TLE4: variants seen among roughly 807,000 people sequenced by gnomAD.
TLE4 encodes TLE family member 4, transcriptional corepressor, also known as transducin-like enhancer protein 4.
Under a neutral mutation model 92.8 loss-of-function variants are expected in TLE4, and 8 were observed. The ratio of observed to expected loss-of-function variants is 0.09; its 90% CI spans 0.05 to 0.16. The LOEUF is 0.16. Ranked by LOEUF, TLE4 falls within the 10% of genes least tolerant of loss-of-function variation. The pLI is 1.00. For synonymous variants in TLE4, 371 were observed against 374.1 expected, an observed-to-expected ratio of 0.99 and a Z score of 0.10; for missense variants, 675 against 997.6, an observed-to-expected ratio of 0.68 and a Z score of 4.36.
intron 6 of TLE4, among the ~76,000 whole-genome samples, chr9:79,632,103 C>T (rs994091665): frequency 3.3e-5 from 5 of 152,164 alleles, no homozygotes; most frequent in African/African-American, 9.7e-5. Context: ...AGCCATAGCG[C>T]GAAGTGCTTG....
At chr9:79,652,966 T>C in intron 7 of TLE4, 172 bp downstream of exon 7, 1 of 810,146 alleles carries the variant, frequency 1.2e-6, no homozygotes, top group South Asian at 1.4e-5. Flanking sequence ...AATGATATTC[T>C]AGTGGTTGGC....
chr9:79,635,309 T>G (rs1224097315), intron 6 of TLE4, among the ~76,000 whole-genome samples: 1 of 152,036 alleles, frequency 6.6e-6, no homozygotes, highest in Non-Finnish European at 1.5e-5. Context: ...CATCAGTCAG[T>G]TTTATTATTG....
chr9:79,721,992 C>G lies in TLE4; in HGVS notation c.1986+104C>G, dbSNP rs2075722423. 5 of 1,470,192 alleles carry G rather than the reference C, an allele frequency of 3.4e-6. No homozygotes were observed. The East Asian group carries it at 1.2e-4, about 34-fold the overall frequency. 91.1% of individuals were successfully genotyped at this position (1,470,192 alleles called of 1,614,324 possible). ...CCATCCTGGCCAACATGGTGAAACCCCATCTCTACTAAAAGTACAAAAATT... is the reference window on the plus strand; with the variant it reads ...CCATCCTGGCCAACATGGTGAAACCGCATCTCTACTAAAAGTACAAAAATT... On this transcript the variant is annotated intron_variant, in intron 17 of 19. Coordinates refer to ENST00000376552, the MANE Select transcript of TLE4 (RefSeq NM_007005.6).
chr9:79,645,815 A>G (rs1380698110), intron 6 of TLE4, among the ~76,000 whole-genome samples: 2 of 152,176 alleles, frequency 1.3e-5, no homozygotes, highest in Non-Finnish European at 2.9e-5. Context: ...TGGCCCATCA[A>G]GGAAATAGGA....
At chr9:79,668,312 C>G (rs1212641462) in intron 8 of TLE4, among the ~76,000 whole-genome samples, 2 of 152,150 alleles carry the variant, frequency 1.3e-5, no homozygotes, top group African/African-American at 4.8e-5. Flanking sequence ...GCATTAGATA[C>G]AAATGGGAAC....
chr9:79,606,586 C>T (rs2047044321), intron 4 of TLE4, among the ~76,000 whole-genome samples: 1 of 151,890 alleles, frequency 6.6e-6, no homozygotes, highest in Admixed American at 6.6e-5. Flanking sequence ...TCCATGTGTT[C>T]TCATTGTTCA....
chr9:79,607,512 C>T (rs2047331176), intron 4 of TLE4, among the ~76,000 whole-genome samples: 2 of 152,150 alleles, frequency 1.3e-5, no homozygotes, highest in African/African-American at 2.4e-5. Flanking sequence ...TTAGGTCTTA[C>T]ACTTAAGTCT....
intron 4 of TLE4, chr9:79,576,431 AG>A (rs1391877830): frequency 7.2e-6 from 2 of 279,154 alleles, no homozygotes; most frequent in African/African-American, 4.3e-5. Flanking sequence ...TTTCAAAAGC[AG>A]GATGCTAAAT....
chr9:79,710,656 C>G (rs1044993274), intron 14 of TLE4, among the ~76,000 whole-genome samples: 12 of 152,200 alleles, frequency 7.9e-5, no homozygotes, highest in Admixed American at 7.2e-4. Context: ...GCAAAACTTT[C>G]TGTGGCTTAG....
chr9:79,577,697 A>G (rs1447762946), intron 4 of TLE4, among the ~76,000 whole-genome samples: 2 of 151,982 alleles, frequency 1.3e-5, no homozygotes, highest in Non-Finnish European at 2.9e-5. Context: ...CCACTCCCCA[A>G]AATTAATTAG....
intron 4 of TLE4, among the ~76,000 whole-genome samples, chr9:79,607,607 C>T (rs2047361783): frequency 6.6e-6 from 1 of 152,096 alleles, no homozygotes; most frequent in Admixed American, 6.5e-5. Flanking sequence ...CCAGTTTTCC[C>T]AGCACCATTT....
chr9:79,637,450 C>T (rs1353284057), intron 6 of TLE4, among the ~76,000 whole-genome samples: 3 of 152,138 alleles, frequency 2.0e-5, no homozygotes, highest in Non-Finnish European at 2.9e-5. Context: ...CATTATGCTA[C>T]ACTTGTCTCT....
chr9:79,688,452 T>C (rs1214384497), intron 8 of TLE4, among the ~76,000 whole-genome samples: 1 of 152,162 alleles, frequency 6.6e-6, no homozygotes, highest in African/African-American at 2.4e-5. Flanking sequence ...TGGTGTCTTG[T>C]TGCTGTCAGT....
intron 11 of TLE4, among the ~76,000 whole-genome samples, chr9:79,707,694 G>C (rs1276048839): frequency 1.3e-5 from 2 of 152,146 alleles, no homozygotes; most frequent in Non-Finnish European, 2.9e-5. Flanking sequence ...TCTCTGCTTA[G>C]TCTCTATGAC....
chr9:79,613,062 T>C (rs2048725590), intron 5 of TLE4, among the ~76,000 whole-genome samples: 3 of 152,142 alleles, frequency 2.0e-5, no homozygotes, highest in African/African-American at 7.2e-5. Flanking sequence ...AACAGGAGCT[T>C]ACTCTGTACT....
At chr9:79,717,967 G>A (rs1223253110) in intron 14 of TLE4, 3 of 456,424 alleles carry the variant, frequency 6.6e-6, no homozygotes, top group Non-Finnish European at 1.3e-5. Context: ...GTCTGTTGGG[G>A]GAGACGCTCT....
At position 79,589,899 on chromosome 9, in the gene TLE4, G is replaced by T. The variant is rs114675888; in HGVS notation, c.252+13722G>T. Among the ~76,000 whole-genome samples the T allele has an allele frequency of 2.9e-3, 438 of 152,252 alleles. 3 individuals carry two copies. Among genetic ancestry groups the T allele is most frequent in the African/African-American group, 9.7e-3 (401 of 41,542 alleles). The stretch of plus-strand genomic sequence containing the variant: ...CTTTAGGGCAAAGTACATTATATTT[G>T]TCTTTGTCATGTCCTGATCACACTG... On this transcript the variant is annotated intron_variant, in intron 4 of 19. Transcript: ENST00000376552.
At chr9:79,621,059 G>C (rs1009009918) in intron 5 of TLE4, among the ~76,000 whole-genome samples, 1 of 152,182 alleles carries the variant, frequency 6.6e-6, no homozygotes, top group Non-Finnish European at 1.5e-5. Flanking sequence ...TGTGAGATTG[G>C]AGTTGGGACA....
chr9:79,630,296 G>A (rs755306309), intron 6 of TLE4, among the ~76,000 whole-genome samples: 3 of 152,102 alleles, frequency 2.0e-5, no homozygotes, highest in South Asian at 2.1e-4. Context: ...CTGGAGAGGC[G>A]GCTGTTCTCT....
Sources: allele counts gnomAD v4.1 joint callset (sites outside exome capture counted in the v4.1 genomes callset), GRCh38; gene constraint gnomAD v4.1.1; transcripts MANE v1.5; gene names NCBI Gene and HGNC (gene_info 2026-07-23, HGNC 2026-07-21).